Variants in LARGE1 observed in about 807,000 individuals in gnomAD.
LARGE1 encodes the protein LARGE xylosyl- and glucuronyltransferase 1, also known as xylosyl- and glucuronyltransferase LARGE1.
In LARGE1, 43 loss-of-function variants were observed where a neutral mutation model predicts 87.6. The ratio of observed to expected loss-of-function variants is 0.49; its 90% CI spans 0.38 to 0.63. The LOEUF (loss-of-function observed/expected upper bound fraction) is 0.63. LARGE1 is among the 30% of genes least tolerant of loss of function. LARGE1 has a pLI of 0.00. For synonymous variants in LARGE1, 434 were observed against 394.6 expected, an observed-to-expected ratio of 1.10 and a Z score of -1.18; for missense variants, 802 against 1,000.2, an observed-to-expected ratio of 0.80 and a Z score of 2.67.
At chr22:33,076,205 A>G in the LARGE1 span, among the ~76,000 whole-genome samples, 2 of 152,206 alleles carry the variant, frequency 1.3e-5, no homozygotes, top group Non-Finnish European at 2.9e-5. Context: ...TGATTGGATA[A>G]GATATTTCTC....
At chr22:33,342,710 C>T (rs2146638148) in intron 9 of LARGE1, among the ~76,000 whole-genome samples, 1 of 152,274 alleles carries the variant, frequency 6.6e-6, no homozygotes, top group Admixed American at 6.5e-5. Context: ...TCTGTTAGCT[C>T]ATCAAGCCTC....
intron 6 of LARGE1, among the ~76,000 whole-genome samples, chr22:33,436,364 G>A (rs941068638): frequency 1.3e-5 from 2 of 152,142 alleles, no homozygotes; most frequent in Non-Finnish European, 2.9e-5. Context: ...GTTTTCTTTG[G>A]AGGTCATCCA....
At chr22:33,547,166 C>A (rs1011301607) in intron 6 of LARGE1, among the ~76,000 whole-genome samples, 26 of 151,798 alleles carry the variant, frequency 1.7e-4, no homozygotes, top group Non-Finnish European at 3.2e-4. Context: ...GTACAGCAGT[C>A]CCTAACCTTT....
intron 1 of LARGE1, among the ~76,000 whole-genome samples, chr22:33,882,135 C>T (rs937601440): frequency 7.9e-5 from 12 of 151,796 alleles, no homozygotes; most frequent in African/African-American, 1.9e-4. Context: ...CTCCGCCTCC[C>T]GGGTTCACAC....
chr22:33,614,840 C>A (rs1246454130), intron 4 of LARGE1, among the ~76,000 whole-genome samples: 1 of 78,538 alleles, frequency 1.3e-5, no homozygotes, highest in East Asian at 3.3e-4. Flanking sequence ...CAAAGTACCT[C>A]CTCTCTTGTT....
chr22:33,798,052 C>A (rs1184090159), intron 1 of LARGE1, among the ~76,000 whole-genome samples: 1 of 152,174 alleles, frequency 6.6e-6, no homozygotes, highest in African/African-American at 2.4e-5. Context: ...GTGGGTGGAT[C>A]ACCTGAGGTC....
Position 33,315,812 on chromosome 22 carries a change from T to C in LARGE1, c.1451+273A>G, listed in dbSNP as rs190325661. 3.3e-3 allele frequency among the ~76,000 whole-genome samples: 504 copies of C among 152,234 alleles called. 4 individuals are homozygous for C. The highest frequency in any genetic ancestry group is 3.0e-3 in the Non-Finnish European group (201 of 68,006). ...GCCCAGCTAATTTTCGTATTTTTAG[T>C]AGAGACGGGGTTTCACCATGTTGGC... is the stretch of plus-strand genomic sequence containing the variant. On this transcript the variant is annotated intron_variant, in intron 11 of 14. Coordinates refer to ENST00000397394, the MANE Select transcript of LARGE1 (RefSeq NM_133642.5).
intron 2 of LARGE1, among the ~76,000 whole-genome samples, chr22:33,740,052 T>C (rs1191018602): frequency 2.0e-5 from 3 of 152,170 alleles, no homozygotes; most frequent in Non-Finnish European, 4.4e-5. Context: ...ATCTGACTGA[T>C]TGGGTTAAAC....
chr22:33,245,954 G>A (rs1926738645), intron 11 of LARGE1, among the ~76,000 whole-genome samples: 2 of 152,076 alleles, frequency 1.3e-5, no homozygotes, highest in Non-Finnish European at 1.5e-5. Context: ...AAAAAAATGA[G>A]AAGTGTCAAT....
intron 5 of LARGE1, among the ~76,000 whole-genome samples, chr22:33,599,507 T>C (rs1011520408): frequency 6.6e-6 from 1 of 152,130 alleles, no homozygotes; most frequent in African/African-American, 2.4e-5. Context: ...GGAAGACCAA[T>C]GAGCATTTCA....
chr22:33,410,622 T>C (rs1309344780), intron 7 of LARGE1, among the ~76,000 whole-genome samples: 1 of 152,140 alleles, frequency 6.6e-6, no homozygotes, highest in Non-Finnish European at 1.5e-5. Context: ...CATGTGGAAC[T>C]GTGAGTCAGT....
chr22:33,605,348 G>A (rs1304747892), intron 4 of LARGE1, among the ~76,000 whole-genome samples: 2 of 152,142 alleles, frequency 1.3e-5, no homozygotes, highest in Non-Finnish European at 2.9e-5. Flanking sequence ...TACTGAGGCA[G>A]CACCCGAAAT....
rs189091860 is a variant in LARGE1 at position 33,356,938 on chromosome 22, T to A, written c.1132-19137A>T. On this transcript the variant is annotated intron_variant, in intron 9 of 14. Transcript: ENST00000397394. ...GTTGGTGGGAATGGAAATTAGTATC[T>A]CTATGGAAAACAGCATGGAGATTTC... 9.2e-5 allele frequency among the ~76,000 whole-genome samples: 14 copies of A among 152,290 alleles called. No individual in the cohort carries two copies. In the East Asian group the frequency reaches 2.5e-3, roughly 27 times the overall value.
chr22:33,358,010 G>A (rs186710642), intron 9 of LARGE1, among the ~76,000 whole-genome samples: 269 of 152,244 alleles, frequency 1.8e-3, no homozygotes, highest in Non-Finnish European at 2.4e-3. Flanking sequence ...GCCCAGAGTG[G>A]GTGCTCTGCC....
chr22:33,872,724 G>A (rs941735866), intron 1 of LARGE1, among the ~76,000 whole-genome samples: 30 of 152,178 alleles, frequency 2.0e-4, no homozygotes, highest in African/African-American at 7.2e-4. Flanking sequence ...ATGGCCAGGC[G>A]CGGTGGCTCA....
chr22:33,832,946 G>A (rs1343006728), intron 1 of LARGE1, among the ~76,000 whole-genome samples: 3 of 152,236 alleles, frequency 2.0e-5, no homozygotes, highest in African/African-American at 7.2e-5. Context: ...CTGGTCTGAG[G>A]TGTGGTGACT....
rs577188218 is a variant in LARGE1, at chr22:33,275,568, G to A, written c.2074-944C>T. On this transcript the variant is annotated intron_variant, in intron 14 of 14. Coordinates refer to ENST00000397394, the MANE Select transcript of LARGE1 (RefSeq NM_133642.5). Reference sequence around the variant, plus strand: ...AAGATCTCCCAGAGCTGAACTGTCTGGGACATTTAATGGAGGGACAAAGAA... The same window carrying A: ...AAGATCTCCCAGAGCTGAACTGTCTAGGACATTTAATGGAGGGACAAAGAA... Among the ~76,000 whole-genome samples the A allele has an allele frequency of 1.2e-3, 186 of 152,292 alleles. 1 individual carries two copies. Among genetic ancestry groups the A allele is most frequent in the Middle Eastern group, 3.4e-3 (1 of 294 alleles).
At chr22:33,901,057 G>A (rs2146897103) in intron 1 of LARGE1, among the ~76,000 whole-genome samples, 1 of 152,232 alleles carries the variant, frequency 6.6e-6, no homozygotes, top group Non-Finnish European at 1.5e-5. Context: ...CAGAAAAAAA[G>A]GGAGGGGGGG....
rs1303000331 is a variant in LARGE1 at position 33,761,530 on chromosome 22, G to A, written c.-54C>T. ...AGCGCCGTTTCTCTGTCCGGAGCATGAAGTCCTCGGCCTCCCTCATAATAC... is the reference window on the plus strand; with the variant it reads ...AGCGCCGTTTCTCTGTCCGGAGCATAAAGTCCTCGGCCTCCCTCATAATAC... On this transcript the variant is annotated 5_prime_UTR_variant, in exon 2 of 15. Coordinates refer to ENST00000397394, the MANE Select transcript of LARGE1 (RefSeq NM_133642.5). 4 of 1,394,514 alleles carry A rather than the reference G, an allele frequency of 2.9e-6. No individual in the cohort carries two copies. In the East Asian group the frequency reaches 6.9e-5, roughly 24 times the overall value. 86.4% of individuals were successfully genotyped at this position (1,394,514 alleles called of 1,614,324 possible).
Sources: gnomAD v4.1 joint callset for allele counts (sites outside exome capture counted in the v4.1 genomes callset) on GRCh38, gnomAD v4.1.1 for gene constraint, MANE v1.5 for transcripts, NCBI Gene and HGNC (gene_info 2026-07-23, HGNC 2026-07-21) for gene names.